HORMAD2: variants seen among roughly 807,000 people sequenced by gnomAD.
HORMAD2 encodes the protein HORMA domain-containing protein 2.
In HORMAD2, 45 loss-of-function variants were observed where a neutral mutation model predicts 38.8. The observed-to-expected ratio is 1.16, with a 90% confidence interval of 0.91 to 1.49. HORMAD2 has a LOEUF of 1.49. Among genes scored for constraint, HORMAD2 ranks in the 40% most tolerant of loss-of-function variants. The pLI is 0.00. For missense variants in HORMAD2, 338 were observed against 367.0 expected (o/e 0.92, Z 0.65); for synonymous variants, 126 against 122.8 (o/e 1.03, Z -0.17).
At chr22:30,116,568 A>G (rs1379312515) in intron 7 of HORMAD2, among the ~76,000 whole-genome samples, 1 of 152,158 alleles carries the variant, frequency 6.6e-6, no homozygotes, top group South Asian at 2.1e-4. Context: ...TGAGCAGTTC[A>G]ATGGTTCATC....
chr22:30,112,515 G>C lies in HORMAD2; in HGVS notation c.335G>C (p.Gly112Ala), dbSNP rs1054517683. The C allele has an allele frequency of 7.2e-7, 1 of 1,388,532 alleles. No homozygotes were observed. Among genetic ancestry groups the C allele is most frequent in the African/African-American group, 1.5e-5 (1 of 64,890 alleles). The allele number at this position is 1,388,532 out of a possible 1,614,324, so 86.0% of individuals were successfully genotyped here. Residue 112 changes from glycine to alanine, a missense_variant, in exon 7 of 11, where the codon GGA becomes GCA. Transcript: ENST00000336726. ...ATACAGCTTTACACAGATCCCATGG[G>C]ATCTGAGGTAAGAACACACACAAAC... is the stretch of plus-strand genomic sequence containing the variant. ...AVLTLYTDPM[G>A]SEKVTEMYQF...
the HORMAD2 span, among the ~76,000 whole-genome samples, chr22:30,190,051 C>T: frequency 1.3e-5 from 2 of 152,148 alleles, no homozygotes; most frequent in Non-Finnish European, 2.9e-5. Flanking sequence ...TATTCTAATA[C>T]CCCAGTCCTC....
At chr22:30,125,619 T>A (rs1922810650) in intron 10 of HORMAD2, among the ~76,000 whole-genome samples, 1 of 152,212 alleles carries the variant, frequency 6.6e-6, no homozygotes, top group African/African-American at 2.4e-5. Flanking sequence ...TGCTTTTGGA[T>A]ATCCTTAAGA....
At chr22:30,168,616 T>C (rs1373653642) in intron 10 of HORMAD2, among the ~76,000 whole-genome samples, 1 of 152,190 alleles carries the variant, frequency 6.6e-6, no homozygotes, top group Non-Finnish European at 1.5e-5. Flanking sequence ...TGGGTAATTT[T>C]TGTCATGTTT....
intron 3 of HORMAD2, among the ~76,000 whole-genome samples, chr22:30,103,016 C>T (rs553605025): frequency 1.9e-4 from 29 of 151,958 alleles, no homozygotes; most frequent in African/African-American, 6.5e-4. Context: ...GAGAATAATC[C>T]GTGTGAAATT....
intron 10 of HORMAD2, among the ~76,000 whole-genome samples, chr22:30,157,668 GTCAAGCATGT>G (rs1356693396): frequency 6.6e-6 from 1 of 152,076 alleles, no homozygotes; most frequent in Non-Finnish European, 1.5e-5. Context: ...TTCATTGTAA[GTCAAGCATGT>G]TCAAGCATAT....
rs183689614 is a variant in HORMAD2, at chr22:30,176,083, G to T, written c.840G>T (p.Val280=). ...CACAGATTCAAAGAATGAATTTTGT[G>T]TGCAGTCAGCAAAGTTCTGAGTGCT... ...CNDHIQRMNF[V]CSQQSSECSR... is the part of the protein sequence containing the mutation. Residue 280 remains valine (V), a synonymous_variant, in exon 11 of 11, where the codon GTG becomes GTT. Transcript: ENST00000336726. 4 of 1,612,508 alleles carry T rather than the reference G, an allele frequency of 2.5e-6. No homozygotes were observed. Among genetic ancestry groups the T allele is most frequent in the Admixed American group, 3.3e-5 (2 of 59,958 alleles).
chr22:30,089,498 G>T (rs987859118), intron 1 of HORMAD2, among the ~76,000 whole-genome samples: 1 of 151,712 alleles, frequency 6.6e-6, no homozygotes, highest in South Asian at 2.1e-4. Flanking sequence ...GACTATAGGC[G>T]CCTGCCACTA....
At chr22:30,135,625 C>T (rs1923598302) in intron 10 of HORMAD2, among the ~76,000 whole-genome samples, 1 of 152,106 alleles carries the variant, frequency 6.6e-6, no homozygotes, top group African/African-American at 2.4e-5. Flanking sequence ...TTAACAATTC[C>T]CAGAGCTCTC....
At chr22:30,088,098 C>T (rs144081100) in intron 1 of HORMAD2, among the ~76,000 whole-genome samples, 1,524 of 142,572 alleles carry the variant, frequency 0.011, 24 homozygotes, top group African/African-American at 0.036. Context: ...TATACACACA[C>T]GTACACACGT....
chr22:30,095,490 A>G (rs2068765529), intron 2 of HORMAD2, among the ~76,000 whole-genome samples: 1 of 152,182 alleles, frequency 6.6e-6, no homozygotes, highest in Non-Finnish European at 1.5e-5. Flanking sequence ...TCCCCTGGCT[A>G]TGCTGGGAAA....
At chr22:30,126,749 A>G (rs149244118) in intron 10 of HORMAD2, among the ~76,000 whole-genome samples, 1 of 152,276 alleles carries the variant, frequency 6.6e-6, no homozygotes, top group East Asian at 1.9e-4. Flanking sequence ...TTTAGTTTTA[A>G]CAGATAGTGC....
chr22:30,114,865 A>G (rs781169366), intron 7 of HORMAD2, among the ~76,000 whole-genome samples: 1 of 152,226 alleles, frequency 6.6e-6, no homozygotes, highest in Non-Finnish European at 1.5e-5. Context: ...GAGATGACCA[A>G]CGAAAGTAAC....
rs1313169236 is a variant in HORMAD2, at chr22:30,103,519, A to G, written c.257+19A>G. Reference sequence around the variant, plus strand: ...TCAGATGGTAAGTAATAGAAATTCTATAAAAGTTGAACAACATTATTTTTA... The same window carrying G: ...TCAGATGGTAAGTAATAGAAATTCTGTAAAAGTTGAACAACATTATTTTTA... On this transcript the variant is annotated intron_variant, in intron 4 of 10. Transcript: ENST00000336726. 2 of 1,302,682 alleles carry G rather than the reference A, an allele frequency of 1.5e-6. No homozygotes were observed. The highest frequency in any genetic ancestry group is 2.2e-6 in the Non-Finnish European group (2 of 923,600). 80.7% of individuals were successfully genotyped at this position (1,302,682 alleles called of 1,614,324 possible). A position where few individuals can be genotyped will look rare whatever the true frequency, so the allele number is the denominator to read the frequency against.
At chr22:30,159,822 T>G (rs1925332696) in intron 10 of HORMAD2, among the ~76,000 whole-genome samples, 2 of 152,188 alleles carry the variant, frequency 1.3e-5, no homozygotes, top group Admixed American at 6.5e-5. Context: ...TCCTATTTTT[T>G]TGTGTATATG....
chr22:30,162,308 C>T (rs1322110218), intron 10 of HORMAD2, among the ~76,000 whole-genome samples: 3 of 124,808 alleles, frequency 2.4e-5, no homozygotes, highest in African/African-American at 6.9e-5. Flanking sequence ...AGTGAGACCC[C>T]GTCTCAAAAT....
chr22:30,127,597 C>T (rs1264289457), intron 10 of HORMAD2, among the ~76,000 whole-genome samples: 1 of 152,188 alleles, frequency 6.6e-6, no homozygotes, highest in African/African-American at 2.4e-5. Flanking sequence ...CTGGCCTTGG[C>T]CTCCTCAAGT....
chr22:30,120,885 G>A (rs546821292), intron 8 of HORMAD2, among the ~76,000 whole-genome samples: 1 of 152,298 alleles, frequency 6.6e-6, no homozygotes, highest in South Asian at 2.1e-4. Context: ...AATACTTTGA[G>A]TGAGAGGAAA....
At chr22:30,156,412 A>G (rs1190360728) in intron 10 of HORMAD2, among the ~76,000 whole-genome samples, 1 of 152,178 alleles carries the variant, frequency 6.6e-6, no homozygotes, top group Non-Finnish European at 1.5e-5. Context: ...TTTTGAAAGA[A>G]CACCTAACCT....
Sources: allele counts gnomAD v4.1 joint callset (sites outside exome capture counted in the v4.1 genomes callset), GRCh38; gene constraint gnomAD v4.1.1; transcripts MANE v1.5; gene names NCBI Gene and HGNC (gene_info 2026-07-23, HGNC 2026-07-21).